The following RBFOX1 variants were observed in gnomAD, a reference collection of about 807,000 sequenced individuals.
RBFOX1 encodes RNA binding protein fox-1 homolog 1.
Under a neutral mutation model 57.7 loss-of-function variants are expected in RBFOX1, and 8 were observed. The observed-to-expected ratio is 0.14, with a 90% CI of 0.08 to 0.25. The LOEUF (loss-of-function observed/expected upper bound fraction) is 0.25, where lower values mean the gene tolerates loss of function less well. Among genes scored for constraint, RBFOX1 ranks in the 10% least tolerant of loss-of-function variants. The probability of loss-of-function intolerance (pLI) is 1.00; values close to 1 mark genes in which losing one functional copy is unlikely to be tolerated. For synonymous variants in RBFOX1, 326 were observed against 222.4 expected, an observed-to-expected ratio of 1.47 and a Z score of -4.15; for missense variants, 611 against 548.5, an observed-to-expected ratio of 1.11 and a Z score of -1.14.
intron 1 of RBFOX1, among the ~76,000 whole-genome samples, chr16:5,349,613 C>A (rs1050287924): frequency 9.4e-4 from 1 of 1,066 alleles, no homozygotes; most frequent in Non-Finnish European, 0.017. Flanking sequence ...GCGGAGGTTT[C>A]AGTGAGCCAG....
chr16:5,333,398 A>G (rs2064811323), intron 1 of RBFOX1, among the ~76,000 whole-genome samples: 1 of 152,040 alleles, frequency 6.6e-6, no homozygotes, highest in Non-Finnish European at 1.5e-5. Context: ...TAATTGAGAC[A>G]GAGACTGTCA....
intron 4 of RBFOX1, among the ~76,000 whole-genome samples, chr16:7,438,134 G>C (rs549473614): frequency 1.3e-5 from 2 of 152,102 alleles, no homozygotes; most frequent in Non-Finnish European, 2.9e-5. Flanking sequence ...AATCTTGGCA[G>C]GTGGGAATTT....
rs1488220452 is a variant in RBFOX1, at chr16:5,426,604, C to G, written c.220-40612C>G. Among the ~76,000 whole-genome samples the G allele has an allele frequency of 2.0e-5, 3 of 152,170 alleles. No individual in the cohort carries two copies. The East Asian group carries it at 5.8e-4, about 29-fold the overall frequency. On this transcript the variant is annotated intron_variant, in intron 1 of 2. Transcript: ENST00000585867. Reference sequence around the variant, plus strand: ...TCTTTGCTGGAGGAAATGGCTGTTACCTGCTCAGCACTTAATCCGGAGCCA... The same window carrying G: ...TCTTTGCTGGAGGAAATGGCTGTTAGCTGCTCAGCACTTAATCCGGAGCCA...
intron 1 of RBFOX1, among the ~76,000 whole-genome samples, chr16:6,208,159 G>A (rs542240454): frequency 6.8e-4 from 103 of 151,832 alleles, no homozygotes; most frequent in Admixed American, 1.4e-3. Context: ...TATATGTTAT[G>A]TTTTATATAA....
intron 2 of RBFOX1, among the ~76,000 whole-genome samples, chr16:6,544,317 C>A (rs1334282451): frequency 6.6e-6 from 1 of 152,188 alleles, no homozygotes. Context: ...TCAAGCATAT[C>A]TAGAGCATAG....
At chr16:6,006,747 T>C (rs1000900436) in intron 4 of RBFOX1, among the ~76,000 whole-genome samples, 1 of 152,206 alleles carries the variant, frequency 6.6e-6, no homozygotes, top group Non-Finnish European at 1.5e-5. Flanking sequence ...GTTTTCATAA[T>C]ACCAGCTAAA....
intron 3 of RBFOX1, among the ~76,000 whole-genome samples, chr16:5,812,807 A>G (rs2055481844): frequency 3.9e-5 from 6 of 152,128 alleles, no homozygotes. Flanking sequence ...ATATACGGGT[A>G]TATGACTGTG....
chr16:7,242,056 G>A (rs113245569), intron 4 of RBFOX1, among the ~76,000 whole-genome samples: 1 of 151,906 alleles, frequency 6.6e-6, no homozygotes, highest in African/African-American at 2.4e-5. Flanking sequence ...ATTACCATAG[G>A]CACCTCAGTG....
At chr16:6,865,935 G>C (rs118158286) in intron 3 of RBFOX1, among the ~76,000 whole-genome samples, 1,847 of 152,062 alleles carry the variant, frequency 0.012, 22 homozygotes, top group Non-Finnish European at 0.02. Flanking sequence ...CACCTCATTT[G>C]GTTCTTGCAC....
intron 1 of RBFOX1, among the ~76,000 whole-genome samples, chr16:5,375,100 A>T (rs1330614187): frequency 6.6e-6 from 1 of 151,230 alleles, no homozygotes; most frequent in Non-Finnish European, 1.5e-5. Context: ...AAAAAAAAAA[A>T]AAAAAAAAAA....
chr16:6,992,738 A>T lies in RBFOX1; in HGVS notation c.-15-59319A>T, dbSNP rs551680547. ...AGAGAAAAGATGGCATGAGTCCAAGAGGTCACATGATCTACCCAAGGTCAC... is the reference window on the plus strand; with the variant it reads ...AGAGAAAAGATGGCATGAGTCCAAGTGGTCACATGATCTACCCAAGGTCAC... On this transcript the variant is annotated intron_variant, in intron 3 of 15. Transcript: ENST00000550418. Among the ~76,000 whole-genome samples, 285 of 150,084 alleles carry T rather than the reference A, an allele frequency of 1.9e-3. 3 individuals are homozygous for T. The South Asian group carries it at 0.026, about 14-fold the overall frequency.
intron 2 of RBFOX1, among the ~76,000 whole-genome samples, chr16:6,433,284 G>A (rs1361375541): frequency 6.6e-6 from 1 of 152,170 alleles, no homozygotes. Context: ...AGCAGAGAAG[G>A]TTTGCTTCAT....
chr16:7,293,979 T>A (rs994557186), intron 4 of RBFOX1, among the ~76,000 whole-genome samples: 3 of 152,178 alleles, frequency 2.0e-5, no homozygotes, highest in Non-Finnish European at 2.9e-5. Context: ...AAATGCTTAA[T>A]GACAACTCAT....
intron 4 of RBFOX1, among the ~76,000 whole-genome samples, chr16:7,243,823 T>G (rs1195120507): frequency 6.6e-6 from 1 of 152,166 alleles, no homozygotes; most frequent in African/African-American, 2.4e-5. Context: ...GTGCTGGTAT[T>G]AGAGGTATGA....
chr16:5,727,556 C>A (rs2052199028), intron 3 of RBFOX1, among the ~76,000 whole-genome samples: 2 of 152,174 alleles, frequency 1.3e-5, no homozygotes, highest in African/African-American at 4.8e-5. Flanking sequence ...GTAGAGTCAC[C>A]ATGATGTATA....
intron 2 of RBFOX1, among the ~76,000 whole-genome samples, chr16:6,578,629 G>T (rs533277372): frequency 6.6e-6 from 1 of 151,676 alleles, no homozygotes; most frequent in East Asian, 2.0e-4. Context: ...GGGAGAAACA[G>T]AGGGACATAG....
At chr16:5,978,571 A>C (rs1306664579) in intron 4 of RBFOX1, among the ~76,000 whole-genome samples, 1 of 151,972 alleles carries the variant, frequency 6.6e-6, no homozygotes, top group Admixed American at 6.6e-5. Context: ...TCTATTCCAA[A>C]TCCAAGTCCA....
chr16:6,611,806 G>T (rs1399877923), intron 2 of RBFOX1, among the ~76,000 whole-genome samples: 1 of 152,072 alleles, frequency 6.6e-6, no homozygotes. Flanking sequence ...GGCACCCTGA[G>T]TCCTCCCTCA....
intron 3 of RBFOX1, among the ~76,000 whole-genome samples, chr16:5,742,312 C>T (rs990630532): frequency 3.3e-5 from 5 of 150,462 alleles, no homozygotes; most frequent in Admixed American, 6.6e-5. Flanking sequence ...CCCTTCCTCC[C>T]TCCCTCCCTT....
Sources: gnomAD v4.1 joint callset for allele counts (sites outside exome capture counted in the v4.1 genomes callset) on GRCh38, gnomAD v4.1.1 for gene constraint, MANE v1.5 for transcripts, NCBI Gene and HGNC (gene_info 2026-07-23, HGNC 2026-07-21) for gene names.